Variants in VASH1 observed in about 807,000 individuals in gnomAD.
VASH1 encodes the protein tubulinyl-Tyr carboxypeptidase 1.
In VASH1, 16 loss-of-function variants were observed where a neutral mutation model predicts 35.0. The ratio of observed to expected loss-of-function variants is 0.46; its 90% CI spans 0.31 to 0.70. The LOEUF (loss-of-function observed/expected upper bound fraction) is 0.70, where lower values mean the gene tolerates loss of function less well. Among genes scored for constraint, VASH1 ranks in the 30% least tolerant of loss-of-function variants. The pLI is 0.05. For synonymous variants in VASH1, 214 were observed against 200.9 expected (o/e 1.07, Z -0.55); for missense variants, 505 against 510.7 (o/e 0.99, Z 0.11).
intron 2 of VASH1, among the ~76,000 whole-genome samples, chr14:76,770,274 C>CT (rs1893757319): frequency 6.6e-6 from 1 of 152,156 alleles, no homozygotes; most frequent in African/African-American, 2.4e-5. Context: ...ACTCTGCACT[C>CT]TCTGCCACCC....
chr14:76,771,313 C>A, intron 3 of VASH1, 67 bp downstream of exon 3: 2 of 1,416,852 alleles, frequency 1.4e-6, no homozygotes, highest in Non-Finnish European at 1.9e-6. Flanking sequence ...CCCTATAGTG[C>A]ACCTTGGAGA....
chr14:76,768,672 T>A (rs1240619377), intron 1 of VASH1, among the ~76,000 whole-genome samples: 1 of 152,036 alleles, frequency 6.6e-6, no homozygotes, highest in Admixed American at 6.6e-5. Flanking sequence ...TGGGCTGGCA[T>A]CTCCACCACT....
rs1893544965 is a variant in VASH1 at position 76,763,011 on chromosome 14, C to T, written c.190C>T (p.Arg64Trp). The T allele has an allele frequency of 1.3e-6, 2 of 1,548,724 alleles. No individual in the cohort carries two copies. Among genetic ancestry groups the T allele is most frequent in the African/African-American group, 2.7e-5 (2 of 73,154 alleles). Residue 64 changes from arginine (R) to tryptophan (W), a missense_variant, in exon 1 of 7, where the codon CGG becomes TGG. Arg to Trp is a moderately radical substitution (Grantham distance 101). Transcript: ENST00000167106. ...CGGAGGCGTCCCCTTCTTTGTCAACCGGGGTGGGCTACCTGTGGATGAGGC... is the reference window on the plus strand; with the variant it reads ...CGGAGGCGTCCCCTTCTTTGTCAACTGGGGTGGGCTACCTGTGGATGAGGC... The part of the protein sequence containing the change: ...RDGGVPFFVN[R>W]GGLPVDEATW...
At chr14:76,772,298 C>T (rs1893814262) in intron 3 of VASH1, among the ~76,000 whole-genome samples, 1 of 152,220 alleles carries the variant, frequency 6.6e-6, no homozygotes, top group Non-Finnish European at 1.5e-5. Context: ...TCTTGCCCCA[C>T]ACATAATCTA....
At position 76,776,025 on chromosome 14, in the gene VASH1, C is replaced by T. The variant is rs367879030; in HGVS notation, c.664C>T (p.Arg222Trp). ...AGRYGALGMS[R>W]REDLMYKPPA... ...CCGCTACGGTGCGCTGGGCATGAGT[C>T]GGCGCGAGGACCTGATGTACAAGCC... The change falls in exon 5 of 7, where the codon CGG becomes TGG. Residue 222 changes from arginine to tryptophan, a missense_variant. Coordinates refer to ENST00000167106, the MANE Select transcript of VASH1 (RefSeq NM_014909.5). The T allele has an allele frequency of 1.2e-6, 2 of 1,612,452 alleles. No individual in the cohort carries two copies. Among genetic ancestry groups the T allele is most frequent in the Non-Finnish European group, 1.7e-6 (2 of 1,179,802 alleles).
At chr14:76,776,648 G>A (rs1259839518) in intron 5 of VASH1, among the ~76,000 whole-genome samples, 3 of 152,172 alleles carry the variant, frequency 2.0e-5, no homozygotes, top group African/African-American at 7.2e-5. Flanking sequence ...GTGGTCAGAA[G>A]AAAGGGAAGT....
At chr14:76,768,003 G>A (rs1477567201) in intron 1 of VASH1, among the ~76,000 whole-genome samples, 1 of 152,224 alleles carries the variant, frequency 6.6e-6, no homozygotes, top group Non-Finnish European at 1.5e-5. Flanking sequence ...CTTCTTGTGG[G>A]AGGGTGTACT....
At chr14:76,767,537 CTGGGGAGA>C (rs1401514769) in intron 1 of VASH1, among the ~76,000 whole-genome samples, 1 of 152,154 alleles carries the variant, frequency 6.6e-6, no homozygotes, top group Non-Finnish European at 1.5e-5. Flanking sequence ...GGAGTGCTCC[CTGGGGAGA>C]TCTGGTGGCT....
At position 76,776,018 on chromosome 14, in the gene VASH1, C is replaced by A. The variant is rs1328140804; in HGVS notation, c.657C>A (p.Gly219=). The part of the protein sequence containing the change: ...VNFAGRYGAL[G]MSRREDLMYK... ...TCGCGGGCCGCTACGGTGCGCTGGG[C>A]ATGAGTCGGCGCGAGGACCTGATGT... is the stretch of plus-strand genomic sequence containing the variant. Residue 219 remains glycine (G), a synonymous_variant, in exon 5 of 7, where the codon GGC becomes GGA. Transcript: ENST00000167106. 1 of 1,612,816 alleles carries A rather than the reference C, an allele frequency of 6.2e-7. No individual in the cohort carries two copies. The highest frequency in any genetic ancestry group is 8.5e-7 in the Non-Finnish European group (1 of 1,179,838).
intron 1 of VASH1, chr14:76,769,576 G>A (rs1202337053): frequency 3.5e-5 from 35 of 993,866 alleles, no homozygotes; most frequent in Non-Finnish European, 4.0e-5. Flanking sequence ...TTGATCCGGC[G>A]CTTGAACCAG....
intron 1 of VASH1, among the ~76,000 whole-genome samples, chr14:76,768,324 T>A (rs1893696801): frequency 6.6e-6 from 1 of 152,074 alleles, no homozygotes; most frequent in Non-Finnish European, 1.5e-5. Context: ...GGTGCCAGTT[T>A]GGGGAGGGGG....
At chr14:76,777,904 G>T in intron 5 of VASH1, 55 bp from the exon 6 acceptor site, 1 of 1,332,358 alleles carries the variant, frequency 7.5e-7, no homozygotes, top group Non-Finnish European at 9.8e-7. Flanking sequence ...GGAAGGAGAG[G>T]TTGGGCTCCA....
intron 3 of VASH1, 60 bp downstream of exon 3, chr14:76,771,306 T>C: frequency 6.8e-7 from 1 of 1,476,122 alleles, no homozygotes; most frequent in Non-Finnish European, 9.1e-7. Flanking sequence ...TTGAAAGCCC[T>C]ATAGTGCACC....
intron 4 of VASH1, 106 bp from the exon 5 acceptor site, chr14:76,775,786 C>A (rs1022055072): frequency 1.9e-5 from 28 of 1,448,584 alleles, no homozygotes; most frequent in Non-Finnish European, 2.4e-5. Context: ...GGTGTCTGCA[C>A]CCCAAGGCTG....
chr14:76,765,128 T>C (rs938214656), intron 1 of VASH1, among the ~76,000 whole-genome samples: 5 of 152,284 alleles, frequency 3.3e-5, no homozygotes, highest in African/African-American at 1.2e-4. Context: ...CCATCTTGCT[T>C]ATGTCTAAAT....
intron 1 of VASH1, among the ~76,000 whole-genome samples, chr14:76,765,851 C>T (rs1334148569): frequency 2.0e-5 from 3 of 152,278 alleles, no homozygotes; most frequent in South Asian, 4.1e-4. Context: ...CTGCCTGCCC[C>T]GTGTATGTTA....
chr14:76,771,948 T>C (rs1260676076), intron 3 of VASH1, among the ~76,000 whole-genome samples: 1 of 152,182 alleles, frequency 6.6e-6, no homozygotes, highest in Admixed American at 6.5e-5. Context: ...GCTTTAAAAA[T>C]TCATGTGAAT....
intron 1 of VASH1, among the ~76,000 whole-genome samples, chr14:76,766,784 G>A (rs1893653747): frequency 6.6e-6 from 1 of 152,176 alleles, no homozygotes; most frequent in Non-Finnish European, 1.5e-5. Flanking sequence ...GGATTAGCAT[G>A]TGCGAGGCAC....
chr14:76,773,206 G>T lies in VASH1; in HGVS notation c.525G>T (p.Leu175=). ...LPIKCLEAVI[L]GIYLTNSMPT... is the part of the protein sequence containing the mutation. ...TCAAATGCCTGGAAGCCGTGATCCT[G>T]GGAATGTATCCTTCCTCACCTGAAG... Residue 175 remains leucine, a synonymous_variant, in exon 4 of 7, where the codon CTG becomes CTT. Transcript: ENST00000167106. 5.6e-6 allele frequency: 9 copies of T among 1,614,122 alleles called. No individual in the cohort carries two copies. Among genetic ancestry groups the T allele is most frequent in the Non-Finnish European group, 7.6e-6 (9 of 1,180,018 alleles).
Sources: gnomAD v4.1 joint callset for allele counts (sites outside exome capture counted in the v4.1 genomes callset) on GRCh38, gnomAD v4.1.1 for gene constraint, MANE v1.5 for transcripts, NCBI Gene and HGNC (gene_info 2026-07-23, HGNC 2026-07-21) for gene names.